DENND2B: variants seen among roughly 807,000 people sequenced by gnomAD.
DENND2B encodes DENN domain-containing protein 2B.
Under a neutral mutation model 116.0 loss-of-function variants are expected in DENND2B, and 32 were observed. The observed-to-expected ratio is 0.28, with a 90% CI of 0.21 to 0.37. The LOEUF (loss-of-function observed/expected upper bound fraction) is 0.37. DENND2B is among the 10% of genes least tolerant of loss of function. The probability of loss-of-function intolerance (pLI) is 1.00; values close to 1 mark genes in which losing one functional copy is unlikely to be tolerated. For missense variants in DENND2B, 1,276 were observed against 1,477.7 expected (o/e 0.86, Z 2.24); for synonymous variants, 588 against 583.9 (o/e 1.01, Z -0.10).
Position 8,731,510 on chromosome 11 carries a change from G to A in DENND2B, c.81-301C>T, listed in dbSNP as rs187734756. On this transcript the variant is annotated intron_variant, in intron 2 of 19. Coordinates refer to ENST00000313726, the MANE Select transcript of DENND2B (RefSeq NM_213618.2). ...AGAGCATCCCAAGAGTCTAACATCT[G>A]CCAGTAAGAGGACAGAAAGCCCAGT... Among the ~76,000 whole-genome samples, 420 of 152,238 alleles carry A rather than the reference G, an allele frequency of 2.8e-3. 2 individuals carry two copies. The highest frequency in any genetic ancestry group is 4.6e-3 in the Non-Finnish European group (311 of 68,024).
chr11:8,805,726 CACAG>C (rs1346914392), intron 1 of DENND2B, among the ~76,000 whole-genome samples: 2 of 152,304 alleles, frequency 1.3e-5, no homozygotes, highest in Admixed American at 6.5e-5. Flanking sequence ...CTCTTAATCA[CACAG>C]ACAGAGTGGG....
chr11:8,802,583 C>T (rs1344220201), intron 1 of DENND2B, among the ~76,000 whole-genome samples: 1 of 152,198 alleles, frequency 6.6e-6, no homozygotes, highest in East Asian at 1.9e-4. Flanking sequence ...AGGCTCTAAA[C>T]ATTACTCTCC....
chr11:8,722,423 G>A lies in DENND2B; in HGVS notation c.1477+3650C>T, dbSNP rs2046347519. 2.0e-5 allele frequency among the ~76,000 whole-genome samples: 3 copies of A among 152,202 alleles called. No individual in the cohort carries two copies. In the South Asian group the frequency reaches 6.2e-4, roughly 31 times the overall value. On this transcript the variant is annotated intron_variant, in intron 4 of 19. Coordinates refer to ENST00000313726, the MANE Select transcript of DENND2B (RefSeq NM_213618.2). Reference sequence around the variant, plus strand: ...AGGAGCCTGATCCAGCGGGGTCAGAGTCATCCTTCACCCCACAGAGCACAG... The same window carrying A: ...AGGAGCCTGATCCAGCGGGGTCAGAATCATCCTTCACCCCACAGAGCACAG...
At chr11:8,812,986 G>T (rs2061446453), upstream of DENND2B, among the ~76,000 whole-genome samples, 1 of 151,462 alleles carries the variant, frequency 6.6e-6, no homozygotes, top group East Asian at 1.9e-4. Flanking sequence ...GTCTTATTAT[G>T]TTGCCCAGGC....
intron 3 of DENND2B, among the ~76,000 whole-genome samples, chr11:8,852,643 T>C (rs538342533): frequency 3.3e-5 from 5 of 152,192 alleles, no homozygotes; most frequent in Non-Finnish European, 7.3e-5. Flanking sequence ...TATGCAAACG[T>C]TGAAATCCAT....
intron 1 of DENND2B, among the ~76,000 whole-genome samples, chr11:8,759,759 CCT>C (rs1159510310): frequency 6.6e-6 from 1 of 152,218 alleles, no homozygotes; most frequent in African/African-American, 2.4e-5. Flanking sequence ...CTCCTCAGAC[CCT>C]CTTTACCTTC....
At chr11:8,772,387 A>T (rs574490590) in intron 1 of DENND2B, among the ~76,000 whole-genome samples, 2 of 152,054 alleles carry the variant, frequency 1.3e-5, no homozygotes, top group Non-Finnish European at 2.9e-5. Context: ...CTGACTTGTG[A>T]TTAGCATCTG....
intron 1 of DENND2B, among the ~76,000 whole-genome samples, chr11:8,806,638 A>ACACACACACACACCCC (rs1017645452): frequency 6.6e-6 from 1 of 150,896 alleles, no homozygotes; most frequent in African/African-American, 2.4e-5. Flanking sequence ...ACACACACAC[A>ACACACACACACACCCC]CCCAGGAGAG....
chr11:8,817,725 G>A (rs140109254), intron 4 of DENND2B, among the ~76,000 whole-genome samples: 18 of 152,224 alleles, frequency 1.2e-4, no homozygotes, highest in African/African-American at 3.9e-4. Flanking sequence ...AAAGCTCAAT[G>A]TCCAGATACT....
intron 1 of DENND2B, among the ~76,000 whole-genome samples, chr11:8,905,546 A>G (rs1392244803): frequency 6.6e-6 from 1 of 152,250 alleles, no homozygotes; most frequent in Non-Finnish European, 1.5e-5. Flanking sequence ...GAAAAAAATT[A>G]ATAAGTTGGA....
intron 3 of DENND2B, among the ~76,000 whole-genome samples, chr11:8,856,434 C>T (rs1250581182): frequency 5.3e-5 from 8 of 152,212 alleles, no homozygotes. Context: ...AATTCACTGG[C>T]CTGGTACAGG....
chr11:8,738,351 G>GT (rs1388175400), intron 2 of DENND2B, among the ~76,000 whole-genome samples: 2 of 152,164 alleles, frequency 1.3e-5, no homozygotes, highest in African/African-American at 4.8e-5. Flanking sequence ...TTCTCAGTCG[G>GT]TTTCCTTGGC....
At chr11:8,893,062 CT>C (rs1252827429) in intron 1 of DENND2B, among the ~76,000 whole-genome samples, 1 of 152,288 alleles carries the variant, frequency 6.6e-6, no homozygotes, top group East Asian at 1.9e-4. Flanking sequence ...ATCAAGTGGG[CT>C]TCATCCCTGG....
Position 8,698,988 on chromosome 11 carries a change from T to A in DENND2B, c.2899-14A>T, listed in dbSNP as rs2040975788. The stretch of plus-strand genomic sequence containing the variant: ...CACCATCAGCGCCTGAGAAAAGGAG[T>A]CATTAGCAGAGTGGCTCAGGGCATG... On this transcript the variant is annotated splice_polypyrimidine_tract_variant and intron_variant, in intron 15 of 19. Transcript: ENST00000313726. The A allele has an allele frequency of 6.2e-7, 1 of 1,613,656 alleles. No individual in the cohort carries two copies. Among genetic ancestry groups the A allele is most frequent in the Non-Finnish European group, 8.5e-7 (1 of 1,179,910 alleles).
chr11:8,774,379 C>T, intron 1 of DENND2B: 1 of 953,682 alleles, frequency 1.0e-6, no homozygotes, highest in Non-Finnish European at 1.2e-6. Flanking sequence ...ACATGTTCTC[C>T]TTCCTGCTTT....
intron 14 of DENND2B, among the ~76,000 whole-genome samples, chr11:8,701,344 C>CAGGGGGGGGG (rs1491336392): frequency 8.9e-5 from 1 of 11,238 alleles, no homozygotes; most frequent in African/African-American, 4.4e-4. Flanking sequence ...GGCCAGCTTC[C>CAGGGGGGGGG]GGGGGGGGGG....
intron 3 of DENND2B, among the ~76,000 whole-genome samples, chr11:8,846,251 A>G (rs1343328438): frequency 6.6e-6 from 1 of 152,228 alleles, no homozygotes; most frequent in Non-Finnish European, 1.5e-5. Context: ...CTAAGAGAAC[A>G]AGTAGCAAGG....
chr11:8,756,039 G>T (rs1360601824), intron 1 of DENND2B, among the ~76,000 whole-genome samples: 1 of 152,168 alleles, frequency 6.6e-6, no homozygotes, highest in Non-Finnish European at 1.5e-5. Flanking sequence ...GAAGCACAGT[G>T]CTATAGGAAT....
intron 2 of DENND2B, among the ~76,000 whole-genome samples, chr11:8,747,597 G>C (rs923608903): frequency 6.6e-6 from 1 of 152,176 alleles, no homozygotes; most frequent in Non-Finnish European, 1.5e-5. Context: ...TCCCACCCCA[G>C]ACCCCCAGAG....
Sources: gnomAD v4.1 joint callset for allele counts (sites outside exome capture counted in the v4.1 genomes callset) on GRCh38, gnomAD v4.1.1 for gene constraint, MANE v1.5 for transcripts, NCBI Gene and HGNC (gene_info 2026-07-23, HGNC 2026-07-21) for gene names.